The following PHACTR1 variants were observed in gnomAD, a reference collection of about 807,000 sequenced individuals.
The protein encoded by PHACTR1 is phosphatase and actin regulator 1.
Under a neutral mutation model 69.2 loss-of-function variants are expected in PHACTR1, and 16 were observed. The observed-to-expected ratio is 0.23, with a 90% CI of 0.16 to 0.35. The LOEUF (loss-of-function observed/expected upper bound fraction) is 0.35. PHACTR1 is among the 10% of genes least tolerant of loss of function. PHACTR1 has a pLI of 1.00. For synonymous variants in PHACTR1, 312 were observed against 284.5 expected, an observed-to-expected ratio of 1.10 and a Z score of -0.97; for missense variants, 510 against 734.7, an observed-to-expected ratio of 0.69 and a Z score of 3.54.
At chr6:13,054,461 A>G (rs563189219) in intron 5 of PHACTR1, among the ~76,000 whole-genome samples, 129 of 152,286 alleles carry the variant, frequency 8.5e-4, no homozygotes, top group African/African-American at 2.9e-3. Flanking sequence ...AACAACAGAA[A>G]TGTGTTTCTC....
At chr6:13,280,726 G>C in intron 12 of PHACTR1, 1 of 326,812 alleles carries the variant, frequency 3.1e-6, no homozygotes, top group African/African-American at 2.2e-5. Flanking sequence ...TTTTAAAAAA[G>C]ACATGCCTGC....
intron 5 of PHACTR1, among the ~76,000 whole-genome samples, chr6:13,108,427 T>G (rs1816507963): frequency 6.6e-6 from 1 of 152,068 alleles, no homozygotes; most frequent in South Asian, 2.1e-4. Context: ...TCCATGTCAT[T>G]ACTGTGTCTT....
At chr6:13,078,562 A>G (rs1433060577) in intron 5 of PHACTR1, among the ~76,000 whole-genome samples, 1 of 152,320 alleles carries the variant, frequency 6.6e-6, no homozygotes, top group East Asian at 1.9e-4. Context: ...CCAGGTTTCT[A>G]GTTTCCTTAG....
chr6:13,090,304 C>T (rs1202783738), intron 5 of PHACTR1, among the ~76,000 whole-genome samples: 1 of 151,562 alleles, frequency 6.6e-6, no homozygotes, highest in Non-Finnish European at 1.5e-5. Context: ...CCTCGGCCTC[C>T]CAAAGTGTTG....
intron 5 of PHACTR1, among the ~76,000 whole-genome samples, chr6:13,147,622 A>G (rs1823612378): frequency 6.6e-6 from 1 of 152,190 alleles, no homozygotes; most frequent in Non-Finnish European, 1.5e-5. Context: ...TGACCAGGAA[A>G]AGACTTATTG....
chr6:12,858,807 TAC>T (rs35797103), intron 4 of PHACTR1, among the ~76,000 whole-genome samples: 92,090 of 149,438 alleles, frequency 0.62, 29,549 homozygotes, highest in East Asian at 0.99. Context: ...AACACATACA[TAC>T]ACACACACAC....
At chr6:12,999,329 G>A (rs923732981) in intron 4 of PHACTR1, among the ~76,000 whole-genome samples, 3 of 152,226 alleles carry the variant, frequency 2.0e-5, no homozygotes, top group Non-Finnish European at 4.4e-5. Context: ...GCCGGGCATG[G>A]TGGCTCACGC....
intron 4 of PHACTR1, among the ~76,000 whole-genome samples, chr6:12,935,274 C>T (rs1161956399): frequency 6.6e-6 from 1 of 152,096 alleles, no homozygotes; most frequent in Non-Finnish European, 1.5e-5. Flanking sequence ...GACCGAGTCT[C>T]ACTCTGTCAC....
chr6:13,115,394 C>G (rs6458641), intron 5 of PHACTR1, among the ~76,000 whole-genome samples: 38,241 of 151,484 alleles, frequency 0.25, 4,965 homozygotes, highest in South Asian at 0.46. Flanking sequence ...CTCTCCCTTT[C>G]TCTCTCTCTC....
chr6:13,154,894 G>A (rs1015657471), intron 5 of PHACTR1, among the ~76,000 whole-genome samples: 8 of 151,428 alleles, frequency 5.3e-5, no homozygotes, highest in African/African-American at 1.7e-4. Flanking sequence ...GAGGAAGGAG[G>A]GTCAGACCAT....
chr6:13,034,528 GA>G (rs1802996510), intron 4 of PHACTR1, among the ~76,000 whole-genome samples: 1 of 152,176 alleles, frequency 6.6e-6, no homozygotes, highest in South Asian at 2.1e-4. Context: ...AGCTCAAGAT[GA>G]AAAGCTACTG....
At chr6:12,951,123 G>A (rs1346786654) in intron 4 of PHACTR1, among the ~76,000 whole-genome samples, 2 of 152,178 alleles carry the variant, frequency 1.3e-5, no homozygotes, top group Non-Finnish European at 2.9e-5. Flanking sequence ...GATTGGCAGT[G>A]GCATTGACTT....
At chr6:12,893,930 GCA>G (rs1172649713) in intron 4 of PHACTR1, among the ~76,000 whole-genome samples, 4 of 152,212 alleles carry the variant, frequency 2.6e-5, no homozygotes, top group African/African-American at 9.7e-5. Flanking sequence ...CTGAGCAGGG[GCA>G]AAGGAGACAA....
chr6:12,729,836 GA>G (rs1156950734), intron 3 of PHACTR1, among the ~76,000 whole-genome samples: 1 of 152,162 alleles, frequency 6.6e-6, no homozygotes, highest in Non-Finnish European at 1.5e-5. Context: ...GAGGATTCTA[GA>G]AATATTAAGA....
chr6:13,146,504 T>C (rs775977558), intron 5 of PHACTR1, among the ~76,000 whole-genome samples: 4 of 152,242 alleles, frequency 2.6e-5, no homozygotes, highest in Admixed American at 6.5e-5. Flanking sequence ...ATCTTAACAC[T>C]GTCTTCTGAA....
At position 13,245,311 on chromosome 6, in the gene PHACTR1, CTT is replaced by C. The variant is rs1359703865; in HGVS notation, c.1391+15121_1391+15122del. Among the ~76,000 whole-genome samples the C allele has an allele frequency of 6.6e-6, 1 of 152,220 alleles. No individual in the cohort carries two copies. The highest frequency in any genetic ancestry group is 1.5e-5 in the Non-Finnish European group (1 of 68,032). ...CCCACCAGTAGCATGTAAGCATTCT[CTT>C]TTCCCCACAACCTTGCCAGCATCTA... On this transcript the variant is annotated intron_variant, in intron 10 of 14. Transcript: ENST00000332995. This position sits in a 1 kb window ranked among gnomAD's most constrained non-coding sequence, Gnocchi z 4.1.
At chr6:12,790,924 G>A (rs1250016724) in intron 4 of PHACTR1, among the ~76,000 whole-genome samples, 2 of 152,158 alleles carry the variant, frequency 1.3e-5, no homozygotes, top group Non-Finnish European at 2.9e-5. Context: ...TCAAATGGGG[G>A]AAGACTAATT....
intron 4 of PHACTR1, among the ~76,000 whole-genome samples, chr6:12,841,076 C>T (rs1292777315): frequency 6.6e-6 from 1 of 152,156 alleles, no homozygotes; most frequent in Admixed American, 6.5e-5. Flanking sequence ...TAAGAACTGA[C>T]TTCGTTTTTT....
At chr6:13,064,135 T>C (rs1295204605) in intron 5 of PHACTR1, among the ~76,000 whole-genome samples, 1 of 152,128 alleles carries the variant, frequency 6.6e-6, no homozygotes, top group Non-Finnish European at 1.5e-5. Context: ...TCCTTATTGA[T>C]TCTGGTAACA....
Sources: gnomAD v4.1 joint callset for allele counts (sites outside exome capture counted in the v4.1 genomes callset) on GRCh38, gnomAD v4.1.1 for gene constraint, Gnocchi (gnomAD v3.1) non-coding constraint, MANE v1.5 for transcripts, NCBI Gene and HGNC (gene_info 2026-07-23, HGNC 2026-07-21) for gene names.